The following KMT2C variants were observed in gnomAD, a reference collection of about 807,000 sequenced individuals.
KMT2C encodes the protein histone-lysine N-methyltransferase 2C.
KMT2C carries 88 observed loss-of-function variants against 507.9 expected under a neutral mutation model. The observed-to-expected ratio is 0.17, with a 90% CI of 0.15 to 0.21. KMT2C has a LOEUF of 0.21. KMT2C is among the 10% of genes least tolerant of loss of function. The probability of loss-of-function intolerance (pLI) is 1.00; values close to 1 mark genes in which losing one functional copy is unlikely to be tolerated. For synonymous variants in KMT2C, 2,049 were observed against 2,080.8 expected (o/e 0.98, Z 0.42); for missense variants, 4,954 against 5,957.8 (o/e 0.83, Z 5.55).
chr7:152,162,456 G>C lies in KMT2C; in HGVS notation c.11121C>G (p.Leu3707=). The C allele has an allele frequency of 1.9e-6, 3 of 1,614,248 alleles. No homozygotes were observed. In the South Asian group the frequency reaches 3.3e-5, roughly 18 times the overall value. ...QTYANSEVDK[L]SMETPAKTEE... ...CTGTTTTGGCAGGGGTTTCCATGGA[G>C]AGCTTGTCTACTTCTGAATTTGCAT... Residue 3707 remains leucine (L), a synonymous_variant, in exon 43 of 59, where the codon CTC becomes CTG. Transcript: ENST00000262189.
At chr7:152,288,346 CAACATGGCAA>C (rs2096345057) in intron 6 of KMT2C, among the ~76,000 whole-genome samples, 1 of 151,268 alleles carries the variant, frequency 6.6e-6, no homozygotes, top group African/African-American at 2.4e-5. Flanking sequence ...CCAGCCTGGC[CAACATGGCAA>C]AACCCTGTCT....
At chr7:152,162,004 T>C (rs1477729616) in intron 43 of KMT2C, 113 bp downstream of exon 43, 2 of 1,246,540 alleles carry the variant, frequency 1.6e-6, no homozygotes, top group Non-Finnish European at 2.1e-6. Flanking sequence ...AAATGGTCCT[T>C]TAGAATAAAA....
intron 3 of KMT2C, among the ~76,000 whole-genome samples, chr7:152,320,830 A>G (rs2129205953): frequency 6.6e-6 from 1 of 152,178 alleles, no homozygotes. Context: ...AGTGGATTAC[A>G]TAGTAGGCCA....
At position 152,156,253 on chromosome 7, in the gene KMT2C, T is replaced by C. The variant is rs1246564449; in HGVS notation, c.11764A>G (p.Thr3922Ala). The change falls in exon 45 of 59, where the codon ACA becomes GCA. Residue 3922 changes from threonine (T) to alanine (A), a missense_variant. Thr to Ala is a moderately conservative substitution (Grantham distance 58). Transcript: ENST00000262189. ...GCTTTTCCAGCAAGTTCTTCAGTTG[T>C]TGCAAAACCATTGGCCATCTTCTGA... ...ACQKMANGFATTEELAGKAGV... is the reference protein window; with the variant it reads ...ACQKMANGFAATEELAGKAGV... 6.2e-7 allele frequency: 1 copy of C among 1,614,138 alleles called. No homozygotes were observed. The highest frequency in any genetic ancestry group is 8.5e-7 in the Non-Finnish European group (1 of 1,180,004).
chr7:152,240,366 T>C (rs1275160385), intron 14 of KMT2C, among the ~76,000 whole-genome samples: 1 of 152,270 alleles, frequency 6.6e-6, no homozygotes, highest in East Asian at 1.9e-4. Flanking sequence ...CTGTGGATAT[T>C]TCACTGCCTT....
chr7:152,372,797 GATAA>G (rs1030382886), intron 1 of KMT2C, among the ~76,000 whole-genome samples: 1 of 152,106 alleles, frequency 6.6e-6, no homozygotes, highest in Admixed American at 6.6e-5. Flanking sequence ...TTCGACAACG[GATAA>G]ATAATCCAGA....
chr7:152,266,407 T>A (rs112394890), intron 7 of KMT2C, among the ~76,000 whole-genome samples: 2 of 151,976 alleles, frequency 1.3e-5, no homozygotes, highest in African/African-American at 4.8e-5. Flanking sequence ...ACCATGCCCA[T>A]CTAATTTTTA....
At chr7:152,353,415 G>A (rs886300878) in intron 2 of KMT2C, among the ~76,000 whole-genome samples, 27 of 152,132 alleles carry the variant, frequency 1.8e-4, no homozygotes, top group African/African-American at 6.3e-4. Context: ...ATTACCAAAT[G>A]AGGTTTCTTA....
At chr7:152,415,510 A>G (rs1262623364) in intron 1 of KMT2C, among the ~76,000 whole-genome samples, 1 of 152,178 alleles carries the variant, frequency 6.6e-6, no homozygotes, top group South Asian at 2.1e-4. Flanking sequence ...TAATGATACG[A>G]AACAGTTAGA....
chr7:152,337,785 C>T (rs924350506), intron 2 of KMT2C, among the ~76,000 whole-genome samples: 1 of 151,396 alleles, frequency 6.6e-6, no homozygotes, highest in South Asian at 2.1e-4. Context: ...AGCTGCTATT[C>T]TGATGACCTC....
In KMT2C at chr7:152,181,858, G is replaced by A. The variant is rs1207346123; in HGVS notation, c.6002C>T (p.Ala2001Val). 2.5e-6 allele frequency: 4 copies of A among 1,614,166 alleles called. No homozygotes were observed. In the South Asian group the frequency reaches 3.3e-5, roughly 13 times the overall value. Residue 2001 changes from alanine to valine, a missense_variant, in exon 36 of 59, where the codon GCT becomes GTT. Physicochemically the swap from Ala to Val is moderately conservative, Grantham distance 64. Coordinates refer to ENST00000262189, the MANE Select transcript of KMT2C (RefSeq NM_170606.3). Reference sequence around the variant, plus strand: ...TTTAGTAAAGTGATCACTGGTTCCAGCTGCTATAGGGCCTTTTGCAGTTTG... The same window carrying A: ...TTTAGTAAAGTGATCACTGGTTCCAACTGCTATAGGGCCTTTTGCAGTTTG... ...SEQTAKGPIA[A>V]GTSDHFTKPS...
Position 152,174,379 on chromosome 7 carries a change from G to A in KMT2C, c.9263-137C>T, listed in dbSNP as rs576269754. 8.4e-4 allele frequency: 467 copies of A among 552,686 alleles called. 4 individuals carry two copies. In the South Asian group the frequency reaches 0.012, roughly 14 times the overall value. The allele number at this position is 552,686 out of a possible 1,614,324, so 34.2% of individuals were successfully genotyped here. On this transcript the variant is annotated intron_variant, in intron 38 of 58. Transcript: ENST00000262189. The stretch of plus-strand genomic sequence containing the variant: ...ATTTCTGAGATGGCAACCTTATCCT[G>A]GGTTTAATCGCATCTCAGTAGTCCT...
chr7:152,431,603 CAAAAAAAAAAAAAAA>C (rs2097863041), intron 1 of KMT2C, among the ~76,000 whole-genome samples: 3 of 116,340 alleles, frequency 2.6e-5, no homozygotes, highest in Non-Finnish European at 5.4e-5. Context: ...AAGACTCTGT[CAAAAAAAAAAAAAAA>C]GAAAAAAAAC....
At chr7:152,381,687 G>T (rs2097375421) in intron 1 of KMT2C, among the ~76,000 whole-genome samples, 3 of 152,264 alleles carry the variant, frequency 2.0e-5, no homozygotes, top group African/African-American at 7.2e-5. Flanking sequence ...TTTCAAAAAT[G>T]TATAAGCTAC....
chr7:152,296,658 GAA>G (rs2096499894), intron 6 of KMT2C, among the ~76,000 whole-genome samples: 2 of 152,016 alleles, frequency 1.3e-5, no homozygotes, highest in African/African-American at 4.8e-5. Flanking sequence ...GATGCACCAA[GAA>G]AAGATGTTAA....
intron 1 of KMT2C, among the ~76,000 whole-genome samples, chr7:152,387,436 A>AAAAGT (rs1554699486): frequency 2.1e-4 from 28 of 132,690 alleles, no homozygotes; most frequent in Admixed American, 4.8e-4. Flanking sequence ...GCCAAAAAAA[A>AAAAGT]AAGTGACAAA....
intron 1 of KMT2C, among the ~76,000 whole-genome samples, chr7:152,362,693 A>C (rs1183650649): frequency 6.6e-6 from 1 of 152,122 alleles, no homozygotes; most frequent in Non-Finnish European, 1.5e-5. Context: ...CACTATCTTG[A>C]CCATCACTGT....
chr7:152,178,985 TTTA>T (rs199606143), intron 37 of KMT2C, among the ~76,000 whole-genome samples: 2,019 of 152,190 alleles, frequency 0.013, 48 homozygotes, highest in African/African-American at 0.044. Context: ...ATCTCTAAAA[TTTA>T]TTATTATTAT....
In KMT2C at chr7:152,280,866, T is replaced by C. The variant is rs554420513; in HGVS notation, c.850-6999A>G. Among the ~76,000 whole-genome samples, 3 of 152,312 alleles carry C rather than the reference T, an allele frequency of 2.0e-5. No individual in the cohort carries two copies. The South Asian group carries it at 6.2e-4, about 32-fold the overall frequency. On this transcript the variant is annotated intron_variant, in intron 6 of 58. Coordinates refer to ENST00000262189, the MANE Select transcript of KMT2C (RefSeq NM_170606.3). ...ATTTTTAAGATTTTTTTTTAAACAT[T>C]ATACTTACATTACACAATGTCTTAA...
Sources: gnomAD v4.1 joint callset for allele counts (sites outside exome capture counted in the v4.1 genomes callset) on GRCh38, gnomAD v4.1.1 for gene constraint, MANE v1.5 for transcripts, NCBI Gene and HGNC (gene_info 2026-07-23, HGNC 2026-07-21) for gene names.